Variants in PCDH15 observed in about 807,000 individuals in gnomAD.
PCDH15 encodes protocadherin-15.
Under a neutral mutation model 178.5 loss-of-function variants are expected in PCDH15, and 129 were observed. The ratio of observed to expected loss-of-function variants is 0.72; its 90% CI spans 0.63 to 0.84. The LOEUF is 0.84. Ranked by LOEUF, PCDH15 falls within the 40% of genes least tolerant of loss-of-function variation. The pLI, the probability that PCDH15 is intolerant of heterozygous loss-of-function variation, is 0.00. For synonymous variants in PCDH15, 800 were observed against 732.0 expected (o/e 1.09, Z -1.50); for missense variants, 2,230 against 2,099.9 (o/e 1.06, Z -1.21).
chr10:54,557,840 T>C (rs755352569), intron 2 of PCDH15, among the ~76,000 whole-genome samples: 6 of 152,180 alleles, frequency 3.9e-5, no homozygotes, highest in Non-Finnish European at 8.8e-5. Flanking sequence ...CCATTAAAAC[T>C]TTTTGGTTTG....
intron 8 of PCDH15, among the ~76,000 whole-genome samples, chr10:54,266,405 A>G (rs1438407606): frequency 2.0e-5 from 3 of 151,896 alleles, no homozygotes; most frequent in Non-Finnish European, 4.4e-5. Context: ...AATTAATAAA[A>G]CAAGAAAAAA....
chr10:54,489,288 T>A (rs2079370869), intron 3 of PCDH15, among the ~76,000 whole-genome samples: 1 of 152,146 alleles, frequency 6.6e-6, no homozygotes. Flanking sequence ...ACTCTTGACA[T>A]TTTCTTCTCA....
intron 26 of PCDH15, among the ~76,000 whole-genome samples, chr10:53,886,585 A>G (rs1486758705): frequency 7.3e-6 from 1 of 137,672 alleles, no homozygotes; most frequent in African/African-American, 2.7e-5. Context: ...TCCTGCCCAC[A>G]TGTATGCCTC....
chr10:54,164,790 G>T (rs2046050836), intron 13 of PCDH15, among the ~76,000 whole-genome samples: 1 of 151,926 alleles, frequency 6.6e-6, no homozygotes, highest in Non-Finnish European at 1.5e-5. Context: ...AATGAGTGCA[G>T]ATGACTTAGA....
intron 1 of PCDH15, among the ~76,000 whole-genome samples, chr10:54,695,960 A>C (rs1398375672): frequency 1.3e-5 from 2 of 152,052 alleles, no homozygotes; most frequent in African/African-American, 4.8e-5. Context: ...CAGGGAGATC[A>C]GTGTTGCTGT....
intron 3 of PCDH15, among the ~76,000 whole-genome samples, chr10:54,400,569 T>C (rs1207791740): frequency 6.6e-6 from 1 of 152,120 alleles, no homozygotes; most frequent in Non-Finnish European, 1.5e-5. Flanking sequence ...TATATTTGTA[T>C]TGGGCTATGA....
chr10:54,110,669 G>A (rs1301465126), intron 15 of PCDH15, among the ~76,000 whole-genome samples: 2 of 152,142 alleles, frequency 1.3e-5, no homozygotes, highest in African/African-American at 4.8e-5. Context: ...AGATAATTGT[G>A]TCTTTGTGTC....
chr10:54,776,948 G>A (rs1005403045), intron 1 of PCDH15, among the ~76,000 whole-genome samples: 3 of 152,102 alleles, frequency 2.0e-5, no homozygotes, highest in African/African-American at 7.2e-5. Context: ...GCGAAGAAGA[G>A]ACATAATTTA....
intron 25 of PCDH15, among the ~76,000 whole-genome samples, chr10:53,929,516 T>C (rs1361386755): frequency 6.6e-6 from 1 of 152,150 alleles, no homozygotes; most frequent in Admixed American, 6.5e-5. Context: ...CCTGGGATTT[T>C]AGGACTAAAA....
Position 54,134,760 on chromosome 10 carries a change from G to GA in PCDH15, c.1785-1754dup, listed in dbSNP as rs149941796. ...AGAGCAAGACTCCGTCTCAAAAAAA[G>GA]AAAAAAAAAAAAAAGAAATTCAGAT... On this transcript the variant is annotated intron_variant, in intron 14 of 37. Transcript: ENST00000644397. 2.0e-3 allele frequency among the ~76,000 whole-genome samples: 178 copies of GA among 90,884 alleles called. 1 individual carries two copies. The highest frequency in any genetic ancestry group is 5.2e-3 in the Admixed American group (46 of 8,798). The allele number at this position is 90,884 out of a possible 152,430, so 59.6% of individuals were successfully genotyped here.
intron 1 of PCDH15, among the ~76,000 whole-genome samples, chr10:54,704,204 G>A (rs2095342941): frequency 6.6e-6 from 1 of 151,852 alleles, no homozygotes; most frequent in African/African-American, 2.4e-5. Context: ...ATTTTACAAT[G>A]AAGATGCCAA....
intron 28 of PCDH15, among the ~76,000 whole-genome samples, chr10:53,855,118 T>A (rs1019415413): frequency 2.0e-5 from 3 of 152,060 alleles, no homozygotes; most frequent in African/African-American, 7.2e-5. Flanking sequence ...GTATCAAGTG[T>A]CTACTATATA....
intron 21 of PCDH15, among the ~76,000 whole-genome samples, chr10:53,976,334 T>C (rs1245135107): frequency 6.6e-6 from 1 of 152,114 alleles, no homozygotes; most frequent in Non-Finnish European, 1.5e-5. Context: ...AATTACTGAG[T>C]TGTGAGAGTA....
intron 2 of PCDH15, among the ~76,000 whole-genome samples, chr10:55,382,363 A>C (rs1390368309): frequency 1.3e-5 from 2 of 152,152 alleles, no homozygotes; most frequent in Non-Finnish European, 2.9e-5. Flanking sequence ...TGATGAAACT[A>C]ATGTAATCAC....
intron 9 of PCDH15, among the ~76,000 whole-genome samples, chr10:54,228,499 A>T (rs1381318468): frequency 6.6e-6 from 1 of 152,184 alleles, no homozygotes; most frequent in African/African-American, 2.4e-5. Flanking sequence ...CAGCCAAGCG[A>T]TATCATTTGT....
chr10:54,204,698 T>A (rs761233705), intron 10 of PCDH15, among the ~76,000 whole-genome samples: 81 of 152,038 alleles, frequency 5.3e-4, no homozygotes, highest in Admixed American at 7.2e-4. Context: ...GGCGCTCAAG[T>A]CCAAGTGGTA....
At chr10:53,823,169 C>CTCATCAGATAGAAAT in intron 32 of PCDH15, 1 of 1,613,934 alleles carries the variant, frequency 6.2e-7, no homozygotes, top group Non-Finnish European at 8.5e-7. Flanking sequence ...TTAAGTCATC[C>CTCATCAGATAGAAAT]TCATCAGATA....
intron 2 of PCDH15, among the ~76,000 whole-genome samples, chr10:54,936,440 CTGAG>C (rs1837909517): frequency 6.6e-6 from 1 of 151,946 alleles, no homozygotes; most frequent in African/African-American, 2.4e-5. Context: ...GTTTAAAATA[CTGAG>C]TAACTGCCAA....
intron 3 of PCDH15, among the ~76,000 whole-genome samples, chr10:54,893,356 A>G (rs890686167): frequency 1.1e-4 from 17 of 152,132 alleles, no homozygotes; most frequent in African/African-American, 3.6e-4. Context: ...TTGATTGAAT[A>G]TACTATTTAT....
Sources: gnomAD v4.1 joint callset for allele counts (sites outside exome capture counted in the v4.1 genomes callset) on GRCh38, gnomAD v4.1.1 for gene constraint, MANE v1.5 for transcripts, NCBI Gene and HGNC (gene_info 2026-07-23, HGNC 2026-07-21) for gene names.